Variants in RBKS observed in about 807,000 individuals in gnomAD.
RBKS encodes the protein ribokinase.
Under a neutral mutation model 33.9 loss-of-function variants are expected in RBKS, and 33 were observed. The ratio of observed to expected loss-of-function variants is 0.97; its 90% CI spans 0.74 to 1.30. The LOEUF is 1.30. Ranked by LOEUF, RBKS falls within the 50% of genes most tolerant of loss-of-function variation. The pLI, the probability that RBKS is intolerant of heterozygous loss-of-function variation, is 0.00. For missense variants in RBKS, 361 were observed against 392.6 expected, an observed-to-expected ratio of 0.92 and a Z score of 0.68; for synonymous variants, 125 against 143.0, an observed-to-expected ratio of 0.87 and a Z score of 0.90.
rs1226838611 is a variant in RBKS at position 27,860,998 on chromosome 2, C to T, written c.90-2427G>A. On this transcript the variant is annotated intron_variant, in intron 1 of 7. Transcript: ENST00000302188. Reference sequence around the variant, plus strand: ...CTCTTTTTTTTTTTAAACAGAGTCTCTCTCTGTCACCAAGGCTGGAGTACA... The same window carrying T: ...CTCTTTTTTTTTTTAAACAGAGTCTTTCTCTGTCACCAAGGCTGGAGTACA... Among the ~76,000 whole-genome samples, 10 of 151,210 alleles carry T rather than the reference C, an allele frequency of 6.6e-5. No individual in the cohort carries two copies. The South Asian group carries it at 1.9e-3, about 28-fold the overall frequency.
At chr2:27,869,521 G>A (rs956195529) in intron 1 of RBKS, among the ~76,000 whole-genome samples, 2 of 152,166 alleles carry the variant, frequency 1.3e-5, no homozygotes, top group African/African-American at 4.8e-5. Context: ...TACAGCAGTG[G>A]TCCCCAGCCT....
Position 27,847,089 on chromosome 2 carries a change from G to C in RBKS, c.302C>G (p.Thr101Ser), listed in dbSNP as rs768479261. Residue 101 changes from threonine to serine, a missense_variant, in exon 4 of 8, where the codon ACT becomes AGT. Physicochemically the swap from Thr to Ser is moderately conservative, Grantham distance 58 (BLOSUM62 1). Coordinates refer to ENST00000302188, the MANE Select transcript of RBKS (RefSeq NM_022128.3). ...AGCAGTTCCTGTAGCAGCATCTTTAGTCTGATATGTAAATTCTGAAAGAAA... is the reference window on the plus strand; with the variant it reads ...AGCAGTTCCTGTAGCAGCATCTTTACTCTGATATGTAAATTCTGAAAGAAA... Reference protein sequence around the residue: ...NDISTEFTYQTKDAATGTASI... With the variant: ...NDISTEFTYQSKDAATGTASI... The C allele has an allele frequency of 3.5e-5, 56 of 1,600,118 alleles. No homozygotes were observed. The highest frequency in any genetic ancestry group is 4.7e-5 in the Non-Finnish European group (55 of 1,168,124).
In RBKS at chr2:27,820,133, A is replaced by C. The variant is rs552314579; in HGVS notation, c.795+7434T>G. 2.6e-5 allele frequency among the ~76,000 whole-genome samples: 4 copies of C among 152,356 alleles called. No individual in the cohort carries two copies. The East Asian group carries it at 7.7e-4, about 29-fold the overall frequency. On this transcript the variant is annotated intron_variant, in intron 7 of 7. Transcript: ENST00000302188. ...ATCTTATTTGCTAGATGTGGCTCCA[A>C]ATAGCTTTTGGTCATGCCCAAAGTC...
chr2:27,821,661 GA>G (rs1330631038), intron 7 of RBKS, among the ~76,000 whole-genome samples: 1 of 152,168 alleles, frequency 6.6e-6, no homozygotes, highest in East Asian at 1.9e-4. Flanking sequence ...GTGATTAGTG[GA>G]ATAAAGGTGA....
chr2:27,858,767 C>T (rs1167783357), intron 1 of RBKS, among the ~76,000 whole-genome samples, 196 bp from the exon 2 acceptor site: 1 of 152,154 alleles, frequency 6.6e-6, no homozygotes, highest in Non-Finnish European at 1.5e-5. Flanking sequence ...GAATGAGTCT[C>T]CTTGACAGAA....
intron 1 of RBKS, among the ~76,000 whole-genome samples, chr2:27,881,969 A>G (rs1376043804): frequency 6.6e-6 from 1 of 152,250 alleles, no homozygotes; most frequent in African/African-American, 2.4e-5. Context: ...AAACCCTGGA[A>G]GACAACCTAG....
At chr2:27,827,384 A>G (rs184014747) in intron 7 of RBKS, among the ~76,000 whole-genome samples, 183 bp downstream of exon 7, 2 of 152,344 alleles carry the variant, frequency 1.3e-5, no homozygotes, top group Admixed American at 6.5e-5. Flanking sequence ...CTGCTTGCAT[A>G]AAGTCCCACA....
At chr2:27,858,616 T>C (rs1461343199) in intron 1 of RBKS, 45 bp from the exon 2 acceptor site, 1 of 1,565,594 alleles carries the variant, frequency 6.4e-7, no homozygotes, top group East Asian at 2.2e-5. Flanking sequence ...TTGGTAACTG[T>C]AATCAATTTA....
chr2:27,825,108 G>A (rs952012231), intron 7 of RBKS, among the ~76,000 whole-genome samples: 3 of 151,028 alleles, frequency 2.0e-5, no homozygotes, highest in Non-Finnish European at 2.9e-5. Context: ...CTGCACTCCA[G>A]CCTAGGCAAC....
In RBKS at chr2:27,890,355, G is replaced by A. The variant is rs1422553099; in HGVS notation, c.-10C>T. 1 of 1,612,274 alleles carries A rather than the reference G, an allele frequency of 6.2e-7. No homozygotes were observed. The highest frequency in any genetic ancestry group is 1.1e-5 in the South Asian group (1 of 90,968). ...CCCCAGACGCCGCCATCGCTCAAAG[G>A]TGCTGCTGTCCAACCTGGACGGTGA... On this transcript the variant is annotated 5_prime_UTR_variant, in exon 1 of 8. Transcript: ENST00000302188. The surrounding 1 kb of genome is among the most constrained non-coding windows in gnomAD (Gnocchi z 4.8).
intron 7 of RBKS, among the ~76,000 whole-genome samples, chr2:27,824,532 C>G (rs1490307896): frequency 6.6e-6 from 1 of 152,194 alleles, no homozygotes; most frequent in Non-Finnish European, 1.5e-5. Flanking sequence ...TTTGGAGGTT[C>G]ATCCATGTTG....
chr2:27,840,956 T>C (rs1663482160), intron 5 of RBKS, among the ~76,000 whole-genome samples: 1 of 152,202 alleles, frequency 6.6e-6, no homozygotes, highest in African/African-American at 2.4e-5. Context: ...TATAAATGCA[T>C]GGTATTACTA....
At chr2:27,798,970 G>A (rs1677718788) in intron 7 of RBKS, among the ~76,000 whole-genome samples, 1 of 152,150 alleles carries the variant, frequency 6.6e-6, no homozygotes. Flanking sequence ...CCCTCCCCTT[G>A]AGGGTAGCAC....
chr2:27,873,922 T>C (rs559729806), intron 1 of RBKS, among the ~76,000 whole-genome samples: 5 of 152,020 alleles, frequency 3.3e-5, no homozygotes, highest in African/African-American at 1.2e-4. Context: ...ACATCAACCA[T>C]ATACAAACAG....
At chr2:27,876,937 C>G (rs1281813136) in intron 1 of RBKS, among the ~76,000 whole-genome samples, 1 of 152,132 alleles carries the variant, frequency 6.6e-6, no homozygotes, top group Admixed American at 6.5e-5. Context: ...TCGGTCCTTA[C>G]TAGCACTTTT....
intron 1 of RBKS, among the ~76,000 whole-genome samples, chr2:27,864,385 T>C (rs1664046167): frequency 6.6e-6 from 1 of 152,216 alleles, no homozygotes; most frequent in African/African-American, 2.4e-5. Flanking sequence ...CTGGAATTTG[T>C]AGAGTGGACA....
chr2:27,793,827 A>T (rs553097789), intron 7 of RBKS, among the ~76,000 whole-genome samples: 1 of 152,272 alleles, frequency 6.6e-6, no homozygotes, highest in East Asian at 1.9e-4. Context: ...AAGAGGTAGA[A>T]TCATGATGTC....
chr2:27,874,070 C>T (rs1029453234), intron 1 of RBKS, among the ~76,000 whole-genome samples: 4 of 152,156 alleles, frequency 2.6e-5, no homozygotes, highest in Non-Finnish European at 5.9e-5. Flanking sequence ...AGGCCTCAAA[C>T]GTGTCTTCAA....
chr2:27,841,870 G>C (rs1191463090), intron 5 of RBKS, among the ~76,000 whole-genome samples: 1 of 151,804 alleles, frequency 6.6e-6, no homozygotes, highest in Non-Finnish European at 1.5e-5. Context: ...ATATCAAGAA[G>C]TCATCATGTT....
Sources: allele counts gnomAD v4.1 joint callset (sites outside exome capture counted in the v4.1 genomes callset), GRCh38; gene constraint gnomAD v4.1.1; non-coding constraint Gnocchi (gnomAD v3.1); transcripts MANE v1.5; gene names NCBI Gene and HGNC (gene_info 2026-07-23, HGNC 2026-07-21).